TDRD9: variants seen among roughly 807,000 people sequenced by gnomAD.
TDRD9 encodes ATP-dependent RNA helicase TDRD9.
In TDRD9, 124 loss-of-function variants were observed where a neutral mutation model predicts 172.6. The ratio of observed to expected loss-of-function variants is 0.72; its 90% CI spans 0.62 to 0.83. The LOEUF is 0.83. Among genes scored for constraint, TDRD9 ranks in the 40% least tolerant of loss-of-function variants. The pLI, the probability that TDRD9 is intolerant of heterozygous loss-of-function variation, is 0.00. For synonymous variants in TDRD9, 619 were observed against 617.1 expected, an observed-to-expected ratio of 1.00 and a Z score of -0.05; for missense variants, 1,479 against 1,714.1, an observed-to-expected ratio of 0.86 and a Z score of 2.42.
chr14:104,022,569 A>G lies in TDRD9; in HGVS notation c.2606+239A>G, dbSNP rs969910153. Among the ~76,000 whole-genome samples, 3 of 152,102 alleles carry G rather than the reference A, an allele frequency of 2.0e-5. No individual in the cohort carries two copies. In the East Asian group the frequency reaches 5.8e-4, roughly 29 times the overall value. On this transcript the variant is annotated intron_variant, in intron 24 of 35. Transcript: ENST00000409874. ...TGATGAAACCCTGTCTGTACTGACA[A>G]TACAAAAATTAGCCGGGCATGGTCG... is the stretch of plus-strand genomic sequence containing the variant.
intron 20 of TDRD9, among the ~76,000 whole-genome samples, chr14:104,010,758 A>G (rs973669438): frequency 6.6e-6 from 1 of 152,180 alleles, no homozygotes; most frequent in Non-Finnish European, 1.5e-5. Flanking sequence ...ACCCCTGTAT[A>G]CCAAAATTCA....
intron 32 of TDRD9, 60 bp downstream of exon 32, chr14:104,035,116 G>A (rs2035411884): frequency 2.2e-6 from 3 of 1,364,524 alleles, no homozygotes; most frequent in Non-Finnish European, 3.0e-6. Flanking sequence ...GGGAAAAAAC[G>A]GGTGCCTCTC....
At chr14:104,020,628 G>A (rs970587936) in intron 23 of TDRD9, among the ~76,000 whole-genome samples, 37 of 152,258 alleles carry the variant, frequency 2.4e-4, no homozygotes, top group African/African-American at 6.5e-4. Flanking sequence ...GAAGGAGAGC[G>A]GAGGAGGCGG....
intron 2 of TDRD9, among the ~76,000 whole-genome samples, chr14:103,959,614 A>T (rs1224934334): frequency 6.6e-6 from 1 of 152,130 alleles, no homozygotes; most frequent in Non-Finnish European, 1.5e-5. Context: ...ATTTTGTTAT[A>T]TCCAGTTATA....
intron 1 of TDRD9, among the ~76,000 whole-genome samples, chr14:103,937,869 A>ATTTTTTTTTTTTTTTT (rs2030877082): frequency 7.6e-6 from 1 of 130,752 alleles, no homozygotes; most frequent in African/African-American, 2.8e-5. Context: ...TTTTTTTTTA[A>ATTTTTTTTTTTTTTTT]TTTTCTTTTT....
At chr14:103,941,423 A>G in intron 1 of TDRD9, 1 of 1,535,110 alleles carries the variant, frequency 6.5e-7, no homozygotes, top group Non-Finnish European at 8.7e-7. Context: ...CAGTTTGGCA[A>G]GGTTGAACTT....
intron 9 of TDRD9, among the ~76,000 whole-genome samples, chr14:103,993,309 C>T (rs946049218): frequency 1.3e-5 from 2 of 152,084 alleles, no homozygotes; most frequent in African/African-American, 4.8e-5. Flanking sequence ...TACTTTTTAC[C>T]TGCTAAACAT....
At chr14:103,930,313 G>A (rs1193330088) in intron 1 of TDRD9, among the ~76,000 whole-genome samples, 1 of 151,804 alleles carries the variant, frequency 6.6e-6, no homozygotes, top group Non-Finnish European at 1.5e-5. Context: ...TTGGCCTCCC[G>A]AGTAGCTGGG....
At position 104,005,309 on chromosome 14, in the gene TDRD9, A is replaced by G. The variant is rs774093153; in HGVS notation, c.1617A>G (p.Lys539=). The part of the protein sequence containing the change: ...CPLGSTILKV[K]LLDMGEPRAL... Reference sequence around the variant, plus strand: ...TAGGAAGCACGATCTTGAAAGTGAAATTACTTGACATGGGTGAGCCGAGAG... The same window carrying G: ...TAGGAAGCACGATCTTGAAAGTGAAGTTACTTGACATGGGTGAGCCGAGAG... Residue 539 remains lysine (K), a synonymous_variant, in exon 15 of 36, where the codon AAA becomes AAG. Coordinates refer to ENST00000409874, the MANE Select transcript of TDRD9 (RefSeq NM_153046.3). 77 of 1,613,928 alleles carry G rather than the reference A, an allele frequency of 4.8e-5. No homozygotes were observed. Among genetic ancestry groups the G allele is most frequent in the Non-Finnish European group, 6.4e-5 (76 of 1,179,892 alleles).
At chr14:104,046,664 G>C (rs1596033653) in intron 34 of TDRD9, among the ~76,000 whole-genome samples, 1 of 134,064 alleles carries the variant, frequency 7.5e-6, no homozygotes. Flanking sequence ...CTTTTTTTTT[G>C]AGACAGAGTC....
rs1268553304 is a variant in TDRD9, at chr14:104,005,321, G to A, written c.1629G>A (p.Met543Ile). 1 of 1,613,814 alleles carries A rather than the reference G, an allele frequency of 6.2e-7. No homozygotes were observed. Among genetic ancestry groups the A allele is most frequent in the Non-Finnish European group, 8.5e-7 (1 of 1,179,860 alleles). Residue 543 changes from methionine (M) to isoleucine (I), a missense_variant, in exon 15 of 36, where the codon ATG becomes ATA. By Grantham distance (10) the Met-to-Ile change is conservative. This residue lies in a region of TDRD9 where 1,413 missense variants were observed against 1,649.1 expected (regional missense o/e 0.86). Transcript: ENST00000409874. ...TCTTGAAAGTGAAATTACTTGACATGGGTGAGCCGAGAGCTCTGCTGGCCA... is the reference window on the plus strand; with the variant it reads ...TCTTGAAAGTGAAATTACTTGACATAGGTGAGCCGAGAGCTCTGCTGGCCA... ...STILKVKLLD[M>I]GEPRALLATA...
chr14:104,049,538 TA>T (rs1363251024), intron 34 of TDRD9, 69 bp from the exon 35 acceptor site: 4 of 1,294,508 alleles, frequency 3.1e-6, no homozygotes, highest in East Asian at 2.5e-5. Context: ...TTTAAATCTT[TA>T]AAAAAATCAC....
At chr14:104,025,929 C>T in intron 26 of TDRD9, 118 bp from the exon 27 acceptor site, 2 of 962,280 alleles carry the variant, frequency 2.1e-6, no homozygotes, top group Non-Finnish European at 3.2e-6. Context: ...GATTTAAGCT[C>T]AGGTCACTCC....
At chr14:104,013,453 C>T (rs2034677150) in intron 20 of TDRD9, among the ~76,000 whole-genome samples, 1 of 152,144 alleles carries the variant, frequency 6.6e-6, no homozygotes, top group South Asian at 2.1e-4. Flanking sequence ...AGGCTGTGGT[C>T]ATGGCTCTCT....
At chr14:103,952,884 T>G (rs1259811280) in intron 1 of TDRD9, among the ~76,000 whole-genome samples, 1 of 151,574 alleles carries the variant, frequency 6.6e-6, no homozygotes, top group Non-Finnish European at 1.5e-5. Context: ...GGATTACAGG[T>G]GCTCGCCACC....
rs1014394699 is a variant in TDRD9 at position 103,987,121 on chromosome 14, TATACACACAC to T, written c.1115+803_1115+812del. 1.5e-4 allele frequency among the ~76,000 whole-genome samples: 19 copies of T among 126,430 alleles called. No individual in the cohort carries two copies. The South Asian group carries it at 4.4e-3, about 30-fold the overall frequency. The allele number at this position is 126,430 out of a possible 152,430, so 82.9% of individuals were successfully genotyped here. Reference sequence around the variant, plus strand: ...GAGCAAGACTCCATCTCAAAAAATATATACACACACACACACACACACACACACACACACA... The same window carrying T: ...GAGCAAGACTCCATCTCAAAAAATATACACACACACACACACACACACACA... On this transcript the variant is annotated intron_variant, in intron 8 of 35. Coordinates refer to ENST00000409874, the MANE Select transcript of TDRD9 (RefSeq NM_153046.3).
intron 6 of TDRD9, among the ~76,000 whole-genome samples, chr14:103,973,352 T>A (rs74913926): frequency 0.029 from 4,372 of 152,252 alleles, 132 homozygotes; most frequent in African/African-American, 0.075. Context: ...GCACATGGGC[T>A]TTAAGGCCTC....
chr14:103,998,991 C>T (rs1475454433), intron 13 of TDRD9, among the ~76,000 whole-genome samples: 2 of 152,124 alleles, frequency 1.3e-5, no homozygotes, highest in Non-Finnish European at 2.9e-5. Context: ...GACGGGGTTT[C>T]GCCGTGTTAG....
intron 7 of TDRD9, among the ~76,000 whole-genome samples, chr14:103,978,274 A>C (rs751063015): frequency 6.6e-6 from 1 of 152,004 alleles, no homozygotes; most frequent in Non-Finnish European, 1.5e-5. Flanking sequence ...TAGTCATTTT[A>C]ATAGTATAAA....
Sources: allele counts gnomAD v4.1 joint callset (sites outside exome capture counted in the v4.1 genomes callset), GRCh38; gene constraint gnomAD v4.1.1; regional missense constraint gnomAD v4.1.1; transcripts MANE v1.5; gene names NCBI Gene and HGNC (gene_info 2026-07-23, HGNC 2026-07-21).